Variants in DNAH14 observed in about 807,000 individuals in gnomAD.
The protein encoded by DNAH14 is axonemal beta dynein heavy chain 14.
A neutral mutation model predicts 520.9 loss-of-function variants in DNAH14; 478 were observed. The observed-to-expected ratio is 0.92, with a 90% CI of 0.85 to 0.99. The LOEUF (loss-of-function observed/expected upper bound fraction) is 0.99, where lower values mean the gene tolerates loss of function less well. DNAH14 is among the 50% of genes least tolerant of loss of function. The pLI is 0.00. For missense variants in DNAH14, 4,831 were observed against 5,234.5 expected (o/e 0.92, Z 2.38); for synonymous variants, 1,581 against 1,757.2 (o/e 0.90, Z 2.51).
chr1:224,989,494 G>C (rs1304083281), intron 8 of DNAH14, among the ~76,000 whole-genome samples: 1 of 151,916 alleles, frequency 6.6e-6, no homozygotes, highest in African/African-American at 2.4e-5. Flanking sequence ...ATTCTACATA[G>C]AATATTGGTT....
In DNAH14 at chr1:225,177,709, G is replaced by A. The variant is rs116187312; in HGVS notation, c.5536-7582G>A. Among the ~76,000 whole-genome samples, 681 of 152,298 alleles carry A rather than the reference G, an allele frequency of 4.5e-3. 2 individuals carry two copies. The highest frequency in any genetic ancestry group is 7.5e-3 in the Non-Finnish European group (508 of 68,026). On this transcript the variant is annotated intron_variant, in intron 36 of 85. Transcript: ENST00000682510. ...GCAAGTGCACAGAAGTCCAGAACTG[G>A]GGTTTGGGAGCCTCTGCTTAGATTT...
intron 17 of DNAH14, among the ~76,000 whole-genome samples, chr1:225,078,806 CTCTCTCTCTCTCTCTCT>C (rs749641684): frequency 0.029 from 1,412 of 48,876 alleles, 85 homozygotes; most frequent in East Asian, 0.06. Context: ...CTCTCTCTCT[CTCTCTCTCTCTCTCTCT>C]CCCTCTCTCT....
Position 225,177,089 on chromosome 1 carries a change from A to T in DNAH14, c.5536-8202A>T, listed in dbSNP as rs1406077845. Among the ~76,000 whole-genome samples the T allele has an allele frequency of 2.0e-5, 3 of 152,174 alleles. No homozygotes were observed. The East Asian group carries it at 5.8e-4, about 29-fold the overall frequency. On this transcript the variant is annotated intron_variant, in intron 36 of 85. Coordinates refer to ENST00000682510, the MANE Select transcript of DNAH14 (RefSeq NM_001367479.1). ...TGATCAAAAGCCTGATAGCAATATG[A>T]AAAATAAGGTCCAGGCTGAGGTATT...
chr1:225,335,863 GTA>G (rs1558437869), intron 66 of DNAH14, among the ~76,000 whole-genome samples: 12 of 65,058 alleles, frequency 1.8e-4, no homozygotes, highest in South Asian at 6.8e-4. Context: ...GTACATATAT[GTA>G]CATACACATA....
At chr1:224,944,589 A>G (rs754777370) in intron 1 of DNAH14, among the ~76,000 whole-genome samples, 2 of 152,092 alleles carry the variant, frequency 1.3e-5, no homozygotes, top group Admixed American at 6.6e-5. Flanking sequence ...TCCTAGCCTC[A>G]ATGGTCTTTA....
intron 17 of DNAH14, among the ~76,000 whole-genome samples, chr1:225,078,888 CTCTCTCTCT>C (rs2072751411): frequency 2.3e-5 from 3 of 131,038 alleles, no homozygotes; most frequent in South Asian, 2.6e-4. Flanking sequence ...CTCTCTCTCT[CTCTCTCTCT>C]CCCCGCTTTT....
chr1:225,031,689 G>GAA (rs5781392), intron 11 of DNAH14, among the ~76,000 whole-genome samples: 137,196 of 151,790 alleles, frequency 0.9, 63,557 homozygotes, highest in East Asian at 1. Flanking sequence ...TAAAACTTTA[G>GAA]CTTCTTCAAC....
chr1:225,170,771 A>G (rs986846104), intron 36 of DNAH14, among the ~76,000 whole-genome samples: 3 of 152,204 alleles, frequency 2.0e-5, no homozygotes, highest in African/African-American at 7.2e-5. Flanking sequence ...AAGCGGACCT[A>G]ATAGACATCT....
At chr1:225,118,674 G>A (rs181164860) in intron 25 of DNAH14, among the ~76,000 whole-genome samples, 2 of 152,244 alleles carry the variant, frequency 1.3e-5, no homozygotes, top group Admixed American at 1.3e-4. Flanking sequence ...CCCAAGGTCA[G>A]GAGTTTGAGA....
At chr1:224,969,448 A>G (rs571287883) in intron 7 of DNAH14, 1 of 160,666 alleles carries the variant, frequency 6.2e-6, no homozygotes, top group South Asian at 2.0e-4. Flanking sequence ...TGTCTGGTAG[A>G]TATATACTGT....
In DNAH14 at chr1:225,049,120, C is replaced by T. The variant is rs555790722; in HGVS notation, c.1913-1090C>T. 2.6e-5 allele frequency among the ~76,000 whole-genome samples: 3 copies of T among 115,966 alleles called. No individual in the cohort carries two copies. In the East Asian group the frequency reaches 8.5e-4, roughly 33 times the overall value. The allele number at this position is 115,966 out of a possible 152,430, so 76.1% of individuals were successfully genotyped here. ...TATCACCCAGGCTGGAGTGCAGTGG[C>T]ACTATCTCGGCTCACTGCAACCTCC... On this transcript the variant is annotated intron_variant, in intron 15 of 85. Transcript: ENST00000682510.
intron 1 of DNAH14, among the ~76,000 whole-genome samples, chr1:224,949,305 A>G (rs548524007): frequency 1.3e-4 from 19 of 151,916 alleles, no homozygotes; most frequent in Non-Finnish European, 1.6e-4. Flanking sequence ...CAGTTTCACT[A>G]TGTTGGGTGT....
At chr1:225,100,028 C>T (rs190888878) in intron 22 of DNAH14, among the ~76,000 whole-genome samples, 85 of 152,168 alleles carry the variant, frequency 5.6e-4, no homozygotes, top group African/African-American at 2.0e-3. Context: ...ATTATAGAAA[C>T]TATTTCTCTC....
At chr1:225,383,480 G>A (rs892353148) in intron 81 of DNAH14, among the ~76,000 whole-genome samples, 3 of 152,190 alleles carry the variant, frequency 2.0e-5, no homozygotes, top group African/African-American at 7.2e-5. Context: ...CACGTGCAAA[G>A]TTAGGCTGAA....
In DNAH14 at chr1:225,152,807, G is replaced by T. The variant is rs1181170666; in HGVS notation, c.5120G>T (p.Gly1707Val). Residue 1707 changes from glycine to valine, a missense_variant, in exon 33 of 86, where the codon GGT (glycine) becomes GTT (valine). Physicochemically the swap from Gly to Val is moderately radical, Grantham distance 109 (BLOSUM62 -3). Coordinates refer to ENST00000682510, the MANE Select transcript of DNAH14 (RefSeq NM_001367479.1). ...GCTGAAATAATATTGTTTTCATTTG[G>T]TTTCAAATCTGCAAATTCACTCTCT... is the stretch of plus-strand genomic sequence containing the variant. The part of the protein sequence containing the change: ...MIAEIILFSF[G>V]FKSANSLSGK... 6.4e-7 allele frequency: 1 copy of T among 1,551,110 alleles called. No individual in the cohort carries two copies. Among genetic ancestry groups the T allele is most frequent in the African/African-American group, 1.4e-5 (1 of 73,004 alleles).
chr1:225,210,734 AC>A (rs1457142840), intron 41 of DNAH14, among the ~76,000 whole-genome samples: 1 of 152,052 alleles, frequency 6.6e-6, no homozygotes, highest in Non-Finnish European at 1.5e-5. Context: ...GGGCCAACAA[AC>A]ACCTCATACA....
At chr1:225,053,107 T>G (rs929378855) in intron 17 of DNAH14, among the ~76,000 whole-genome samples, 2 of 152,110 alleles carry the variant, frequency 1.3e-5, no homozygotes, top group African/African-American at 4.8e-5. Context: ...TAGAACTCAG[T>G]TATGTGCCCT....
At chr1:225,205,721 G>C (rs1447403279) in intron 39 of DNAH14, among the ~76,000 whole-genome samples, 1 of 152,050 alleles carries the variant, frequency 6.6e-6, no homozygotes, top group African/African-American at 2.4e-5. Context: ...CAAATTGTAA[G>C]GGTTAATTAT....
Position 225,185,443 on chromosome 1 carries a change from T to G in DNAH14, c.5670+18T>G. ...CTTCAAAGGTAAATGTTCTGTTAAA[T>G]AAAATGTTTCTCTATTTGTTCATAT... On this transcript the variant is annotated intron_variant, in intron 37 of 85. Transcript: ENST00000682510. 1 of 1,512,416 alleles carries G rather than the reference T, an allele frequency of 6.6e-7. No individual in the cohort carries two copies. The highest frequency in any genetic ancestry group is 8.8e-7 in the Non-Finnish European group (1 of 1,133,248). The allele number at this position is 1,512,416 out of a possible 1,614,324, so 93.7% of individuals were successfully genotyped here. A position where few individuals can be genotyped will look rare whatever the true frequency, so the allele number is the denominator to read the frequency against.
Sources: gnomAD v4.1 joint callset for allele counts (sites outside exome capture counted in the v4.1 genomes callset) on GRCh38, gnomAD v4.1.1 for gene constraint, MANE v1.5 for transcripts, NCBI Gene and HGNC (gene_info 2026-07-23, HGNC 2026-07-21) for gene names.